The following HDLBP variants were observed in gnomAD, a reference collection of about 807,000 sequenced individuals.
HDLBP encodes high density lipoprotein binding protein, also known as vigilin.
In HDLBP, 30 loss-of-function variants were observed where a neutral mutation model predicts 137.3. The observed-to-expected ratio is 0.22, with a 90% CI of 0.16 to 0.30. The LOEUF (loss-of-function observed/expected upper bound fraction) is 0.30. Ranked by LOEUF, HDLBP falls within the 10% of genes least tolerant of loss-of-function variation. The pLI is 1.00. For synonymous variants in HDLBP, 606 were observed against 596.0 expected (o/e 1.02, Z -0.24); for missense variants, 1,119 against 1,667.3 (o/e 0.67, Z 5.73).
rs56135853 is a variant in HDLBP, at chr2:241,283,112, T to C, written c.-102-14571A>G. ...GAGAGCGAAACAGCCTTATCGCTGA[T>C]AAGGAGAAAGTTTGAGTGGTCTGGC... is the stretch of plus-strand genomic sequence containing the variant. On this transcript the variant is annotated intron_variant, in intron 1 of 27. Transcript: ENST00000310931. Among the ~76,000 whole-genome samples, 627 of 152,316 alleles carry C rather than the reference T, an allele frequency of 4.1e-3. 2 individuals are homozygous for C. Among genetic ancestry groups the C allele is most frequent in the Non-Finnish European group, 7.3e-3 (497 of 68,042 alleles).
At chr2:241,273,132 T>A in intron 1 of HDLBP, 6 of 985,420 alleles carry the variant, frequency 6.1e-6, no homozygotes, top group Non-Finnish European at 7.2e-6. Context: ...TGGAAGCAGA[T>A]GTCACCAGTA....
chr2:241,306,788 A>T (rs1243573699), intron 1 of HDLBP, among the ~76,000 whole-genome samples: 1 of 151,618 alleles, frequency 6.6e-6, no homozygotes, highest in African/African-American at 2.4e-5. Flanking sequence ...AGGCTGAGGC[A>T]GGAGAATTGC....
chr2:241,252,865 T>C (rs1296180638), intron 11 of HDLBP, 92 bp downstream of exon 11: 14 of 819,846 alleles, frequency 1.7e-5, no homozygotes, highest in Middle Eastern at 5.0e-4. Flanking sequence ...GGGCCTGGAC[T>C]GTCTGCACGG....
chr2:241,300,408 G>A (rs1326556175), intron 1 of HDLBP, among the ~76,000 whole-genome samples: 1 of 152,172 alleles, frequency 6.6e-6, no homozygotes, highest in African/African-American at 2.4e-5. Flanking sequence ...TTTAAGCAGG[G>A]TGAAAGCAAG....
In HDLBP at chr2:241,272,892, CGTCAGCGCCCGCCCGCCCCGCCGCTGGG is replaced by C. The variant is rs1483439103; in HGVS notation, c.-102-4379_-102-4352del. The C allele has an allele frequency of 6.4e-5, 31 of 486,856 alleles. No homozygotes were observed. The highest frequency in any genetic ancestry group is 7.7e-5 in the Non-Finnish European group (29 of 374,680). 30.2% of individuals were successfully genotyped at this position (486,856 alleles called of 1,614,324 possible). A position where few individuals can be genotyped will look rare whatever the true frequency, so the allele number is the denominator to read the frequency against. On this transcript the variant is annotated intron_variant, in intron 1 of 27. Transcript: ENST00000310931. The surrounding 1 kb of genome is among the most constrained non-coding windows in gnomAD (Gnocchi z 5.6). The stretch of plus-strand genomic sequence containing the variant: ...GCGGCGGCCCAATCCCGCCTGGACA[CGTCAGCGCCCGCCCGCCCCGCCGCTGGG>C]GTCCCCGCCGCCCCGGGCCGCCCAG...
chr2:241,314,499 T>C (rs565834257), intron 1 of HDLBP, among the ~76,000 whole-genome samples: 1 of 152,190 alleles, frequency 6.6e-6, no homozygotes, highest in Admixed American at 6.5e-5. Flanking sequence ...TAGGTAGCTA[T>C]GAATCTGAGG....
At chr2:241,305,472 C>A (rs1479248943) in intron 1 of HDLBP, among the ~76,000 whole-genome samples, 8 of 152,168 alleles carry the variant, frequency 5.3e-5, no homozygotes, top group African/African-American at 1.7e-4. Flanking sequence ...TGGCTATACC[C>A]TAGAGCCCTT....
chr2:241,281,518 C>T (rs2074603531), intron 1 of HDLBP, among the ~76,000 whole-genome samples: 1 of 151,910 alleles, frequency 6.6e-6, no homozygotes, highest in Non-Finnish European at 1.5e-5. Flanking sequence ...GAGACCCTGT[C>T]TCAAAAAAAT....
intron 1 of HDLBP, among the ~76,000 whole-genome samples, chr2:241,310,430 CA>C (rs1272308499): frequency 6.6e-6 from 1 of 152,132 alleles, no homozygotes; most frequent in Admixed American, 6.5e-5. Flanking sequence ...GCTTTCACCA[CA>C]AAAAACTTAA....
At chr2:241,279,805 T>C (rs1195818363) in intron 1 of HDLBP, 21 of 581,004 alleles carry the variant, frequency 3.6e-5, no homozygotes, top group Non-Finnish European at 4.3e-5. Flanking sequence ...AAAGGAAATA[T>C]GTACAAGAAT....
rs1393874271 is a variant in HDLBP, at chr2:241,272,657, CGCGGCCTCCACGTCA to C, written c.-102-4131_-102-4117del. The C allele has an allele frequency of 1.1e-6, 1 of 935,728 alleles. No homozygotes were observed. Among genetic ancestry groups the C allele is most frequent in the East Asian group, 1.2e-4 (1 of 8,346 alleles). 58.0% of individuals were successfully genotyped at this position (935,728 alleles called of 1,614,324 possible). On this transcript the variant is annotated intron_variant, in intron 1 of 27. Coordinates refer to ENST00000310931, the MANE Select transcript of HDLBP (RefSeq NM_005336.6). This position sits in a 1 kb window ranked among gnomAD's most constrained non-coding sequence, Gnocchi z 5.6. ...CGCGGCACCCGGGCCCCTCCCCCTC[CGCGGCCTCCACGTCA>C]GCAGCCACCCCCCACCCCCCCGCCC...
chr2:241,251,205 T>C (rs1467107503), intron 11 of HDLBP, among the ~76,000 whole-genome samples: 2 of 152,170 alleles, frequency 1.3e-5, no homozygotes, highest in Non-Finnish European at 2.9e-5. Context: ...GTGATCCTCC[T>C]GCCTTGGTCT....
Position 241,267,587 on chromosome 2 carries a change from C to T in HDLBP, c.-37-681G>A, listed in dbSNP as rs766883378. 97 of 1,535,580 alleles carry T rather than the reference C, an allele frequency of 6.3e-5. No homozygotes were observed. In the Middle Eastern group the frequency reaches 1.8e-3, roughly 29 times the overall value. On this transcript the variant is annotated intron_variant, in intron 2 of 27. Transcript: ENST00000310931. Reference sequence around the variant, plus strand: ...TTTGCTCACCACACACCTCTTAATGCTTACAAAATGCATCATGACAGTTGC... The same window carrying T: ...TTTGCTCACCACACACCTCTTAATGTTTACAAAATGCATCATGACAGTTGC...
At position 241,240,093 on chromosome 2, in the gene HDLBP, G is replaced by A. The variant is rs780047152; in HGVS notation, c.2199C>T (p.Arg733=). The change falls in exon 18 of 28, where the codon CGC becomes CGT. Residue 733 remains arginine (R), a synonymous_variant. Transcript: ENST00000310931. This position sits in a 1 kb window ranked among gnomAD's most constrained non-coding sequence, Gnocchi z 5.5. ...GGAATTTGTGGTATTCTGGCTTGGC[G>A]CGGATGTCAACAGTGAAACTCTTGG... The part of the protein sequence containing the change: ...KQTKSFTVDI[R]AKPEYHKFLI... 14 of 1,614,066 alleles carry A rather than the reference G, an allele frequency of 8.7e-6. No individual in the cohort carries two copies. The highest frequency in any genetic ancestry group is 5.5e-5 in the South Asian group (5 of 91,094).
intron 3 of HDLBP, among the ~76,000 whole-genome samples, chr2:241,265,360 G>C (rs530804673): frequency 6.6e-6 from 1 of 152,332 alleles, no homozygotes; most frequent in African/African-American, 2.4e-5. Context: ...AGAGGTTGCA[G>C]TGAGCCAAGA....
intron 1 of HDLBP, among the ~76,000 whole-genome samples, chr2:241,285,228 G>A (rs546246184): frequency 1.1e-4 from 16 of 152,314 alleles, no homozygotes; most frequent in African/African-American, 3.8e-4. Flanking sequence ...TTCTAAACAT[G>A]TTACAGCTTT....
rs372976666 is a variant in HDLBP at position 241,238,636 on chromosome 2, A to G, written c.2749+13T>C. ...ACTATTAACAAGCAGAGCAGGGCTA[A>G]TGGGGGACCCACCTGCGTTCTCCTC... On this transcript the variant is annotated intron_variant, in intron 20 of 27. Transcript: ENST00000310931. The surrounding 1 kb of genome is among the most constrained non-coding windows in gnomAD (Gnocchi z 4.9). The G allele has an allele frequency of 1.4e-4, 217 of 1,551,190 alleles. No individual in the cohort carries two copies. The highest frequency in any genetic ancestry group is 1.7e-4 in the Non-Finnish European group (199 of 1,140,530).
At position 241,228,595 on chromosome 2, in the gene HDLBP, T is replaced by G. The variant is rs1179073584; in HGVS notation, c.*1006A>C. The G allele has an allele frequency of 6.6e-6, 1 of 152,480 alleles. No individual in the cohort carries two copies. Among genetic ancestry groups the G allele is most frequent in the Non-Finnish European group, 1.5e-5 (1 of 68,088 alleles). 9.4% of individuals were successfully genotyped at this position (152,480 alleles called of 1,614,324 possible). On this transcript the variant is annotated 3_prime_UTR_variant, in exon 28 of 28. Transcript: ENST00000310931. ...TAGGTACACGGCGCCCACCCCCAGC[T>G]CCACGGGAAACCCATAACCACCAGA...
In HDLBP at chr2:241,305,765, T is replaced by TG. The variant is rs200767906; in HGVS notation, c.-103+9804_-103+9805insC. On this transcript the variant is annotated intron_variant, in intron 1 of 27. Transcript: ENST00000310931. Reference sequence around the variant, plus strand: ...GAATACAAAGTTGTTTATTTGTTTTTTTTTTTTTTTTTGAGATGGAGTCTC... The same window carrying TG: ...GAATACAAAGTTGTTTATTTGTTTTTGTTTTTTTTTTTTGAGATGGAGTCTC... Among the ~76,000 whole-genome samples, 83 of 146,076 alleles carry TG rather than the reference T, an allele frequency of 5.7e-4. No homozygotes were observed. The Middle Eastern group carries it at 0.011, about 19-fold the overall frequency.
Sources: gnomAD v4.1 joint callset for allele counts (sites outside exome capture counted in the v4.1 genomes callset) on GRCh38, gnomAD v4.1.1 for gene constraint, Gnocchi (gnomAD v3.1) non-coding constraint, MANE v1.5 for transcripts, NCBI Gene and HGNC (gene_info 2026-07-23, HGNC 2026-07-21) for gene names.